LRMDA: variants seen among roughly 807,000 people sequenced by gnomAD.
LRMDA encodes the protein leucine-rich melanocyte differentiation-associated protein.
Under a neutral mutation model 29.8 loss-of-function variants are expected in LRMDA, and 18 were observed. The observed-to-expected ratio is 0.60, with a 90% confidence interval of 0.42 to 0.90. The LOEUF is 0.90. LRMDA is among the 40% of genes least tolerant of loss of function. The probability of loss-of-function intolerance (pLI) is 0.00; values close to 1 mark genes in which losing one functional copy is unlikely to be tolerated. For missense variants in LRMDA, 273 were observed against 273.9 expected, an observed-to-expected ratio of 1.00 and a Z score of 0.02; for synonymous variants, 125 against 109.4, an observed-to-expected ratio of 1.14 and a Z score of -0.89.
At chr10:76,035,503 C>A (rs895583853) in intron 2 of LRMDA, among the ~76,000 whole-genome samples, 1 of 151,990 alleles carries the variant, frequency 6.6e-6, no homozygotes, top group Non-Finnish European at 1.5e-5. Flanking sequence ...TCGTTTCCCC[C>A]GCGACTGTAC....
At chr10:76,178,338 C>G (rs1850979198) in intron 5 of LRMDA, among the ~76,000 whole-genome samples, 1 of 152,192 alleles carries the variant, frequency 6.6e-6, no homozygotes, top group Non-Finnish European at 1.5e-5. Flanking sequence ...AAATCTCACT[C>G]TTAAGTTCCC....
rs564551849 is a variant in LRMDA, at chr10:76,351,624, C to G, written c.601+27139C>G. Among the ~76,000 whole-genome samples, 3 of 152,020 alleles carry G rather than the reference C, an allele frequency of 2.0e-5. No homozygotes were observed. The East Asian group carries it at 5.8e-4, about 29-fold the overall frequency. On this transcript the variant is annotated intron_variant, in intron 6 of 6. Coordinates refer to ENST00000611255, the MANE Select transcript of LRMDA (RefSeq NM_001305581.2). ...AGCTACCAATGTTATGCACCCACCC[C>G]TTTCCAGGCACTGTGCTAGGCCCTG...
In LRMDA at chr10:76,478,133, A is replaced by T. The variant is rs1842696523; in HGVS notation, c.602-79076A>T. On this transcript the variant is annotated intron_variant, in intron 6 of 6. Transcript: ENST00000611255. The stretch of plus-strand genomic sequence containing the variant: ...AATAGGCAACCTACAGATGGGAAAA[A>T]ATTTTTGCAATCTACTCATCTGACA... Among the ~76,000 whole-genome samples the T allele has an allele frequency of 2.0e-5, 3 of 152,254 alleles. No individual in the cohort carries two copies. The South Asian group carries it at 6.2e-4, about 32-fold the overall frequency.
At chr10:76,376,557 A>T (rs1841520810) in intron 6 of LRMDA, among the ~76,000 whole-genome samples, 1 of 151,978 alleles carries the variant, frequency 6.6e-6, no homozygotes, top group African/African-American at 2.4e-5. Flanking sequence ...TTTTAATATA[A>T]TTTTTTTTCC....
chr10:75,543,920 T>C (rs1840048189), intron 2 of LRMDA, among the ~76,000 whole-genome samples: 1 of 152,166 alleles, frequency 6.6e-6, no homozygotes, highest in South Asian at 2.1e-4. Flanking sequence ...TTACTAATTC[T>C]GATACAAGTG....
intron 5 of LRMDA, among the ~76,000 whole-genome samples, chr10:76,121,569 G>A (rs567761788): frequency 2.6e-5 from 4 of 152,292 alleles, no homozygotes; most frequent in Admixed American, 1.3e-4. Flanking sequence ...ACCTGAGAGG[G>A]TTGTCATGAA....
chr10:76,290,182 C>T (rs1564712792), intron 5 of LRMDA, among the ~76,000 whole-genome samples: 1 of 152,128 alleles, frequency 6.6e-6, no homozygotes, highest in African/African-American at 2.4e-5. Flanking sequence ...TTTATTGTTA[C>T]AATCTCTTTA....
At chr10:75,621,226 C>CACA (rs1554816450) in intron 2 of LRMDA, among the ~76,000 whole-genome samples, 1,668 of 116,738 alleles carry the variant, frequency 0.014, 31 homozygotes, top group African/African-American at 0.045. Context: ...ACACACACAC[C>CACA]CACACACCCA....
intron 5 of LRMDA, among the ~76,000 whole-genome samples, chr10:76,219,294 G>A (rs1023201382): frequency 1.3e-5 from 2 of 151,320 alleles, no homozygotes; most frequent in African/African-American, 4.9e-5. Context: ...TGGACTAAAT[G>A]CTCCAATTAA....
chr10:75,520,018 C>A (rs1845337980), intron 2 of LRMDA, among the ~76,000 whole-genome samples: 1 of 152,206 alleles, frequency 6.6e-6, no homozygotes, highest in South Asian at 2.1e-4. Context: ...CCACTGTCTT[C>A]TGGCTTGTTG....
intron 6 of LRMDA, among the ~76,000 whole-genome samples, chr10:76,436,486 T>C (rs574024632): frequency 1.3e-5 from 2 of 152,290 alleles, no homozygotes; most frequent in South Asian, 4.1e-4. Context: ...TGCCCTCACC[T>C]TCTCTACGGG....
intron 5 of LRMDA, among the ~76,000 whole-genome samples, chr10:76,074,116 C>A (rs1323821094): frequency 6.6e-6 from 1 of 152,164 alleles, no homozygotes; most frequent in African/African-American, 2.4e-5. Context: ...TTTTATTTCT[C>A]TTAAATCTAT....
At chr10:75,681,681 A>G (rs1368581699) in intron 2 of LRMDA, among the ~76,000 whole-genome samples, 2 of 152,204 alleles carry the variant, frequency 1.3e-5, no homozygotes, top group Non-Finnish European at 2.9e-5. Flanking sequence ...ACACAGCGAA[A>G]TTTCGTTGTC....
chr10:76,364,720 A>G (rs570710200), intron 6 of LRMDA, among the ~76,000 whole-genome samples: 1 of 152,098 alleles, frequency 6.6e-6, no homozygotes, highest in South Asian at 2.1e-4. Context: ...TTTTTTCCCC[A>G]TAAGTTATTG....
At chr10:75,486,312 C>G (rs1157982297) in intron 2 of LRMDA, among the ~76,000 whole-genome samples, 1 of 152,128 alleles carries the variant, frequency 6.6e-6, no homozygotes, top group African/African-American at 2.4e-5. Context: ...CTATAGCATT[C>G]AAAATCTATC....
chr10:76,008,128 C>T (rs1158811278), intron 2 of LRMDA, among the ~76,000 whole-genome samples: 2 of 152,162 alleles, frequency 1.3e-5, no homozygotes, highest in Non-Finnish European at 2.9e-5. Context: ...CGGGGAGAAG[C>T]CTCTGGAAAA....
intron 5 of LRMDA, among the ~76,000 whole-genome samples, chr10:76,170,813 A>G (rs1234762420): frequency 6.6e-6 from 1 of 152,172 alleles, no homozygotes; most frequent in Non-Finnish European, 1.5e-5. Flanking sequence ...ACCTTCTCTT[A>G]TTTGAAAATT....
intron 6 of LRMDA, among the ~76,000 whole-genome samples, chr10:76,450,196 T>A (rs939979110): frequency 3.3e-5 from 5 of 152,092 alleles, no homozygotes; most frequent in African/African-American, 1.2e-4. Context: ...CCTTTTTACA[T>A]GAACAACTTG....
At chr10:76,081,774 T>C (rs973991032) in intron 5 of LRMDA, among the ~76,000 whole-genome samples, 4 of 152,320 alleles carry the variant, frequency 2.6e-5, no homozygotes, top group Admixed American at 2.6e-4. Context: ...AATGTGTGTA[T>C]GTACACACAT....
Sources: allele counts gnomAD v4.1 joint callset (sites outside exome capture counted in the v4.1 genomes callset), GRCh38; gene constraint gnomAD v4.1.1; transcripts MANE v1.5; gene names NCBI Gene and HGNC (gene_info 2026-07-23, HGNC 2026-07-21).